FLRT1: variants seen among roughly 807,000 people sequenced by gnomAD.
FLRT1 encodes the protein fibronectin leucine rich transmembrane protein 1, also known as leucine-rich repeat transmembrane protein FLRT1.
Under a neutral mutation model 30.9 loss-of-function variants are expected in FLRT1, and 14 were observed. The ratio of observed to expected loss-of-function variants is 0.45; its 90% CI spans 0.30 to 0.71. The LOEUF is 0.71. FLRT1 is among the 30% of genes least tolerant of loss of function. FLRT1 has a pLI of 0.08. For missense variants in FLRT1, 737 were observed against 949.2 expected, an observed-to-expected ratio of 0.78 and a Z score of 2.94; for synonymous variants, 368 against 430.4, an observed-to-expected ratio of 0.85 and a Z score of 1.80.
intron 1 of FLRT1, among the ~76,000 whole-genome samples, chr11:64,095,207 GTC>G (rs1302697785): frequency 6.6e-6 from 1 of 152,160 alleles, no homozygotes; most frequent in Non-Finnish European, 1.5e-5. Flanking sequence ...ATTTAAAATA[GTC>G]TCTCTTTTTC....
intron 1 of FLRT1, among the ~76,000 whole-genome samples, chr11:64,045,118 T>C (rs1331700800): frequency 6.6e-6 from 1 of 152,074 alleles, no homozygotes; most frequent in Non-Finnish European, 1.5e-5. Context: ...GGGTGGCATG[T>C]GCTTCTGCCT....
intron 1 of FLRT1, chr11:64,081,747 C>G (rs540498742): frequency 1.3e-5 from 2 of 152,214 alleles, no homozygotes; most frequent in South Asian, 4.2e-4. Flanking sequence ...CACAGCATCC[C>G]AACTCCAGGT....
At chr11:64,049,454 C>T (rs1052708937) in intron 1 of FLRT1, among the ~76,000 whole-genome samples, 1 of 152,172 alleles carries the variant, frequency 6.6e-6, no homozygotes, top group African/African-American at 2.4e-5. Flanking sequence ...CCGCATGACT[C>T]GCTTCATCCT....
intron 1 of FLRT1, among the ~76,000 whole-genome samples, chr11:64,063,089 T>A (rs1272853021): frequency 6.6e-6 from 1 of 152,148 alleles, no homozygotes; most frequent in African/African-American, 2.4e-5. Context: ...AGTCTCCATA[T>A]GAGTGGAAAC....
At chr11:64,091,036 AAG>A (rs1399336151) in intron 1 of FLRT1, among the ~76,000 whole-genome samples, 6 of 149,438 alleles carry the variant, frequency 4.0e-5, no homozygotes, top group Non-Finnish European at 7.4e-5. Context: ...GGAGGGGAGA[AAG>A]AAGACAGAGG....
intron 1 of FLRT1, among the ~76,000 whole-genome samples, chr11:64,039,527 C>T (rs908676042): frequency 1.3e-5 from 2 of 152,096 alleles, no homozygotes; most frequent in East Asian, 1.9e-4. Flanking sequence ...GACACTCACC[C>T]TGAGAGGGCC....
chr11:64,086,018 TG>T (rs1391675087), intron 1 of FLRT1, among the ~76,000 whole-genome samples: 2 of 17,102 alleles, frequency 1.2e-4, no homozygotes, highest in Non-Finnish European at 2.5e-4. Flanking sequence ...GGAGGGAGGG[TG>T]GGGGTGGAGG....
At chr11:64,047,626 G>A (rs1943609545) in intron 1 of FLRT1, among the ~76,000 whole-genome samples, 1 of 152,170 alleles carries the variant, frequency 6.6e-6, no homozygotes, top group Non-Finnish European at 1.5e-5. Flanking sequence ...GCCGGGCGCG[G>A]TGGCTTATGC....
chr11:64,113,083 C>T (rs555446865), intron 2 of FLRT1, among the ~76,000 whole-genome samples: 71 of 152,292 alleles, frequency 4.7e-4, no homozygotes, highest in Non-Finnish European at 7.3e-5. Flanking sequence ...AAGATTCTGG[C>T]CTCCTCCCTA....
At chr11:64,053,743 G>A (rs1372749710) in intron 1 of FLRT1, among the ~76,000 whole-genome samples, 1 of 152,284 alleles carries the variant, frequency 6.6e-6, no homozygotes, top group Admixed American at 6.5e-5. Flanking sequence ...CGCTCTCTGG[G>A]ACTGCTGGGC....
chr11:64,070,373 G>A (rs1385055955), intron 1 of FLRT1, among the ~76,000 whole-genome samples: 1 of 152,118 alleles, frequency 6.6e-6, no homozygotes, highest in Non-Finnish European at 1.5e-5. Flanking sequence ...GCCCTTCTGA[G>A]CTTGAGCTTT....
intron 2 of FLRT1, 150 bp from the exon 3 acceptor site, chr11:64,116,069 A>C (rs558406564): frequency 1.4e-6 from 1 of 727,338 alleles, no homozygotes; most frequent in East Asian, 2.7e-5. Context: ...CCTGGCACAA[A>C]GGCCACTCCT....
At position 64,116,288 on chromosome 11, in the gene FLRT1, C is replaced by A. The variant is rs746555247; in HGVS notation, c.21C>A (p.Thr7=). The change falls in exon 3 of 3, where the codon ACC becomes ACA. Residue 7 remains threonine, a synonymous_variant. Transcript: ENST00000682287. ...CCACCATGGTGGTGGCACACCCCAC[C>A]GCCACTGCCACCACCACGCCCACTG... MVVAHP[T]ATATTTPTAT... 5 of 1,600,772 alleles carry A rather than the reference C, an allele frequency of 3.1e-6. No homozygotes were observed. The highest frequency in any genetic ancestry group is 4.3e-6 in the Non-Finnish European group (5 of 1,176,270).
chr11:64,090,490 G>C lies in FLRT1; in HGVS notation c.-1037-12704G>C, dbSNP rs917479745. Among the ~76,000 whole-genome samples, 2 of 152,118 alleles carry C rather than the reference G, an allele frequency of 1.3e-5. No homozygotes were observed. The highest frequency in any genetic ancestry group is 3.9e-4 in the East Asian group (2 of 5,180). ...CCCTGAGGTGGAGGAGGAGGAGGAGGCCAAATAACCACATTTGCTTCCCCG... is the reference window on the plus strand; with the variant it reads ...CCCTGAGGTGGAGGAGGAGGAGGAGCCCAAATAACCACATTTGCTTCCCCG... On this transcript the variant is annotated intron_variant, in intron 1 of 2. Coordinates refer to ENST00000682287, the MANE Select transcript of FLRT1 (RefSeq NM_013280.5). The surrounding 1 kb of genome is among the most constrained non-coding windows in gnomAD (Gnocchi z 4.7).
chr11:64,102,912 A>T (rs560831174), intron 1 of FLRT1, among the ~76,000 whole-genome samples: 20 of 151,028 alleles, frequency 1.3e-4, no homozygotes, highest in African/African-American at 4.4e-4. Flanking sequence ...ACTAAAATTA[A>T]AAAAAAAAAT....
intron 1 of FLRT1, among the ~76,000 whole-genome samples, chr11:64,076,179 C>T (rs1480279402): frequency 2.0e-5 from 3 of 152,228 alleles, no homozygotes; most frequent in Non-Finnish European, 4.4e-5. Flanking sequence ...AACACATCAC[C>T]CTTCCCTTGC....
rs181886534 is a variant in FLRT1, at chr11:64,082,717, G to A, written c.-1037-20477G>A. ...GGCCCCTGGGTCTCACACAAGGAAT[G>A]TGGAGCATCCTCCTGAGAGGACTCA... On this transcript the variant is annotated intron_variant, in intron 1 of 2. Coordinates refer to ENST00000682287, the MANE Select transcript of FLRT1 (RefSeq NM_013280.5). The surrounding 1 kb of genome is among the most constrained non-coding windows in gnomAD (Gnocchi z 4.5). 1.2e-4 allele frequency among the ~76,000 whole-genome samples: 19 copies of A among 152,310 alleles called. No homozygotes were observed. Among genetic ancestry groups the A allele is most frequent in the Admixed American group, 7.8e-4 (12 of 15,306 alleles).
intron 1 of FLRT1, among the ~76,000 whole-genome samples, chr11:64,074,645 C>G (rs533252099): frequency 1.3e-5 from 2 of 152,336 alleles, no homozygotes; most frequent in Non-Finnish European, 2.9e-5. Flanking sequence ...GGGCTGTGCC[C>G]TTACAGCATG....
At chr11:64,104,439 A>G (rs1944723340) in intron 2 of FLRT1, among the ~76,000 whole-genome samples, 1 of 152,104 alleles carries the variant, frequency 6.6e-6, no homozygotes, top group African/African-American at 2.4e-5. Context: ...TCTACCCAGC[A>G]GCTGGACCCA....
Sources: gnomAD v4.1 joint callset for allele counts (sites outside exome capture counted in the v4.1 genomes callset) on GRCh38, gnomAD v4.1.1 for gene constraint, Gnocchi (gnomAD v3.1) non-coding constraint, MANE v1.5 for transcripts, NCBI Gene and HGNC (gene_info 2026-07-23, HGNC 2026-07-21) for gene names.